Variants in CD58 observed in about 807,000 individuals in gnomAD.
The protein encoded by CD58 is lymphocyte function-associated antigen 3.
In CD58, 14 loss-of-function variants were observed where a neutral mutation model predicts 27.6. The ratio of observed to expected loss-of-function variants is 0.51; its 90% CI spans 0.34 to 0.79. The LOEUF (loss-of-function observed/expected upper bound fraction) is 0.79, where lower values mean the gene tolerates loss of function less well. Among genes scored for constraint, CD58 ranks in the 30% least tolerant of loss-of-function variants. CD58 has a pLI of 0.02. For missense variants in CD58, 268 were observed against 301.7 expected (o/e 0.89, Z 0.83); for synonymous variants, 117 against 103.8 (o/e 1.13, Z -0.77).
chr1:116,553,890 T>G (rs1439572986), intron 1 of CD58, among the ~76,000 whole-genome samples: 1 of 150,912 alleles, frequency 6.6e-6, no homozygotes, highest in Non-Finnish European at 1.5e-5. Flanking sequence ...ACCTGGGAAG[T>G]AGAAGAAAGG....
chr1:116,570,959 C>G lies in CD58; in HGVS notation c.14G>C (p.Ser5Thr). The G allele has an allele frequency of 6.4e-7, 1 of 1,561,682 alleles. No homozygotes were observed. The highest frequency in any genetic ancestry group is 8.6e-7 in the Non-Finnish European group (1 of 1,160,410). ...GACCCCCAGGGCCCGCCCCGCGTCGCTCCCAGCAACCATGGCTCGTCGGGC... is the reference window on the plus strand; with the variant it reads ...GACCCCCAGGGCCCGCCCCGCGTCGGTCCCAGCAACCATGGCTCGTCGGGC... MVAG[S>T]DAGRALGVLS... Residue 5 changes from serine (S) to threonine (T), a missense_variant, in exon 1 of 6, where the codon AGC (serine) becomes ACC (threonine). By Grantham distance (58) the Ser-to-Thr change is moderately conservative. Coordinates refer to ENST00000369489, the MANE Select transcript of CD58 (RefSeq NM_001779.3). The surrounding 1 kb of genome is among the most constrained non-coding windows in gnomAD (Gnocchi z 6.4).
At chr1:116,556,433 T>A (rs1658571168) in intron 1 of CD58, among the ~76,000 whole-genome samples, 1 of 152,114 alleles carries the variant, frequency 6.6e-6, no homozygotes, top group East Asian at 1.9e-4. Context: ...CATTGTTTCT[T>A]ATTTAGCTTG....
chr1:116,549,249 T>C (rs1658304451), intron 1 of CD58, among the ~76,000 whole-genome samples: 1 of 152,206 alleles, frequency 6.6e-6, no homozygotes, highest in Non-Finnish European at 1.5e-5. Context: ...TGATAATTGC[T>C]GCTAAGTAAA....
chr1:116,518,261 T>C (rs1019699678), intron 5 of CD58, among the ~76,000 whole-genome samples: 13 of 152,102 alleles, frequency 8.5e-5, no homozygotes, highest in Non-Finnish European at 1.9e-4. Context: ...ACAGGACCTC[T>C]GCTGTTTCTC....
rs991198379 is a variant in CD58 at position 116,516,993 on chromosome 1, G to A, written c.744-2171C>T. ...CCTGGTATCGCATAATCTCCATAAC[G>A]TTTGTTGTGATGAAAGGAACAGAGG... On this transcript the variant is annotated intron_variant, in intron 5 of 5. Transcript: ENST00000369489. The surrounding 1 kb of genome is among the most constrained non-coding windows in gnomAD (Gnocchi z 6.1). Among the ~76,000 whole-genome samples, 11 of 151,986 alleles carry A rather than the reference G, an allele frequency of 7.2e-5. No individual in the cohort carries two copies. Among genetic ancestry groups the A allele is most frequent in the Admixed American group, 1.3e-4 (2 of 15,262 alleles).
At chr1:116,530,385 T>G (rs1657562321) in intron 3 of CD58, among the ~76,000 whole-genome samples, 1 of 152,158 alleles carries the variant, frequency 6.6e-6, no homozygotes, top group Non-Finnish European at 1.5e-5. Context: ...TTTTGTATTT[T>G]TAGTACAGAC....
chr1:116,565,000 C>T (rs534408745), intron 1 of CD58, among the ~76,000 whole-genome samples: 11 of 152,292 alleles, frequency 7.2e-5, no homozygotes, highest in Admixed American at 5.9e-4. Flanking sequence ...AAGCCCACAC[C>T]AAATCCTGCC....
rs1657199848 is a variant in CD58, at chr1:116,519,537, G to A, written c.707-270C>T. Among the ~76,000 whole-genome samples, 1 of 152,190 alleles carries A rather than the reference G, an allele frequency of 6.6e-6. No homozygotes were observed. The highest frequency in any genetic ancestry group is 1.5e-5 in the Non-Finnish European group (1 of 68,028). On this transcript the variant is annotated intron_variant, in intron 4 of 5. Coordinates refer to ENST00000369489, the MANE Select transcript of CD58 (RefSeq NM_001779.3). This position sits in a 1 kb window ranked among gnomAD's most constrained non-coding sequence, Gnocchi z 4.7. ...ATTTTACCTCGTGCATAAGGCTGAAGATGCAGGGAAGGCTAGAATAGTTTG... is the reference window on the plus strand; with the variant it reads ...ATTTTACCTCGTGCATAAGGCTGAAAATGCAGGGAAGGCTAGAATAGTTTG...
intron 5 of CD58, chr1:116,518,755 A>T: frequency 1.0e-6 from 1 of 995,390 alleles, no homozygotes. Flanking sequence ...CCTATCTTTT[A>T]TATGTGACTA....
chr1:116,564,165 T>C (rs968074368), intron 1 of CD58, among the ~76,000 whole-genome samples: 3 of 152,198 alleles, frequency 2.0e-5, no homozygotes, highest in Non-Finnish European at 4.4e-5. Context: ...TCCACGTATC[T>C]TTAGGGCACA....
Position 116,534,052 on chromosome 1 carries a change from A to G in CD58, c.628+1913T>C. 1 of 987,678 alleles carries G rather than the reference A, an allele frequency of 1.0e-6. No homozygotes were observed. The highest frequency in any genetic ancestry group is 1.6e-6 in the Non-Finnish European group (1 of 615,334). The allele number at this position is 987,678 out of a possible 1,614,324, so 61.2% of individuals were successfully genotyped here. A position where few individuals can be genotyped will look rare whatever the true frequency, so the allele number is the denominator to read the frequency against. ...ACTTGCATTTTTAGCAGCTTCCACG[A>G]AATCTGAAGGAACCCCATCTGAAAA... is the stretch of plus-strand genomic sequence containing the variant. On this transcript the variant is annotated intron_variant, in intron 3 of 5. Transcript: ENST00000369489. This position sits in a 1 kb window ranked among gnomAD's most constrained non-coding sequence, Gnocchi z 5.3.
Position 116,544,421 on chromosome 1 carries a change from G to A in CD58, c.254C>T (p.Thr85Ile). The A allele has an allele frequency of 6.2e-7, 1 of 1,613,576 alleles. No homozygotes were observed. Among genetic ancestry groups the A allele is most frequent in the Non-Finnish European group, 8.5e-7 (1 of 1,179,546 alleles). ...GTAGATAGTGAGGCTACCTGACACA[G>A]TGTCTAAATAAACCCTATTTTTAAA... ...SSFKNRVYLD[T>I]VSGSLTIYNL... Residue 85 changes from threonine (T) to isoleucine (I), a missense_variant, in exon 2 of 6, where the codon ACT becomes ATT. Thr to Ile is a moderately conservative substitution (Grantham distance 89, BLOSUM62 -1). Coordinates refer to ENST00000369489, the MANE Select transcript of CD58 (RefSeq NM_001779.3).
chr1:116,515,328 T>C lies in CD58; in HGVS notation c.744-506A>G, dbSNP rs893073919. 6.6e-6 allele frequency among the ~76,000 whole-genome samples: 1 copy of C among 152,190 alleles called. No homozygotes were observed. The highest frequency in any genetic ancestry group is 2.4e-5 in the African/African-American group (1 of 41,432). On this transcript the variant is annotated intron_variant, in intron 5 of 5. Coordinates refer to ENST00000369489, the MANE Select transcript of CD58 (RefSeq NM_001779.3). This position sits in a 1 kb window ranked among gnomAD's most constrained non-coding sequence, Gnocchi z 4.6. Reference sequence around the variant, plus strand: ...TGAGCAAGCCCTCAAACCGAGTCCATTTCCCGGCCTCCTCCCCCGTGGTCT... The same window carrying C: ...TGAGCAAGCCCTCAAACCGAGTCCACTTCCCGGCCTCCTCCCCCGTGGTCT...
rs547581491 is a variant in CD58, at chr1:116,564,000, T to C, written c.70+6903A>G. On this transcript the variant is annotated intron_variant, in intron 1 of 5. Coordinates refer to ENST00000369489, the MANE Select transcript of CD58 (RefSeq NM_001779.3). This position sits in a 1 kb window ranked among gnomAD's most constrained non-coding sequence, Gnocchi z 4.1. ...AATTTTTTGAACTTTTATGCCCTGC[T>C]ATCCTTTTAAACATAAGTTCCAATT... is the stretch of plus-strand genomic sequence containing the variant. 6.6e-6 allele frequency among the ~76,000 whole-genome samples: 1 copy of C among 152,376 alleles called. No individual in the cohort carries two copies. Among genetic ancestry groups the C allele is most frequent in the Admixed American group, 6.5e-5 (1 of 15,308 alleles).
chr1:116,535,061 T>C (rs1054868027), intron 3 of CD58, among the ~76,000 whole-genome samples: 1 of 152,226 alleles, frequency 6.6e-6, no homozygotes, highest in African/African-American at 2.4e-5. Context: ...CCTTTTTGTT[T>C]GTTAAACTGG....
At chr1:116,551,322 T>C (rs1658382921) in intron 1 of CD58, among the ~76,000 whole-genome samples, 1 of 152,244 alleles carries the variant, frequency 6.6e-6, no homozygotes, top group Non-Finnish European at 1.5e-5. Context: ...ATCTTAGATC[T>C]TCTGGATAAT....
chr1:116,561,757 G>T (rs891355007), intron 1 of CD58, among the ~76,000 whole-genome samples: 6 of 152,168 alleles, frequency 3.9e-5, no homozygotes, highest in Non-Finnish European at 7.4e-5. Flanking sequence ...CAAAGTTCAA[G>T]TTCACTCTGC....
chr1:116,570,880 C>T lies in CD58; in HGVS notation c.70+23G>A, dbSNP rs1275140502. On this transcript the variant is annotated intron_variant, in intron 1 of 5. Transcript: ENST00000369489. The surrounding 1 kb of genome is among the most constrained non-coding windows in gnomAD (Gnocchi z 6.4). ...CCAGTACCCGCCGGCCGGCGCGGGGCCCCTGGGGCAGGCTTCACTCACCAA... is the reference window on the plus strand; with the variant it reads ...CCAGTACCCGCCGGCCGGCGCGGGGTCCCTGGGGCAGGCTTCACTCACCAA... 1 of 1,536,144 alleles carries T rather than the reference C, an allele frequency of 6.5e-7. No individual in the cohort carries two copies. Among genetic ancestry groups the T allele is most frequent in the Admixed American group, 2.0e-5 (1 of 50,634 alleles).
At chr1:116,562,992 G>T (rs188770654) in intron 1 of CD58, among the ~76,000 whole-genome samples, 3 of 152,104 alleles carry the variant, frequency 2.0e-5, no homozygotes, top group Non-Finnish European at 4.4e-5. Flanking sequence ...AAGTCTCATC[G>T]GAGATAAGGC....
Sources: gnomAD v4.1 joint callset for allele counts (sites outside exome capture counted in the v4.1 genomes callset) on GRCh38, gnomAD v4.1.1 for gene constraint, Gnocchi (gnomAD v3.1) non-coding constraint, MANE v1.5 for transcripts, NCBI Gene and HGNC (gene_info 2026-07-23, HGNC 2026-07-21) for gene names.